NUP62CL: variants seen among roughly 807,000 people sequenced by gnomAD.
NUP62CL encodes the protein nucleoporin-62 C-terminal-like protein.
A neutral mutation model predicts 15.3 loss-of-function variants in NUP62CL; 13 were observed. That is an observed-to-expected ratio of 0.85 (90% CI 0.55 to 1.35). The LOEUF (loss-of-function observed/expected upper bound fraction) is 1.35, where lower values mean the gene tolerates loss of function less well. Ranked by LOEUF, NUP62CL falls within the 40% of genes most tolerant of loss-of-function variation. The pLI is 0.00. For missense variants in NUP62CL, 123 were observed against 130.6 expected, an observed-to-expected ratio of 0.94 and a Z score of 0.28; for synonymous variants, 54 against 49.2, an observed-to-expected ratio of 1.10 and a Z score of -0.41.
intron 7 of NUP62CL, among the ~76,000 whole-genome samples, chrX:107,151,904 C>G (rs1394941928): frequency 9.7e-6 from 1 of 103,552 alleles, no homozygotes; most frequent in Non-Finnish European, 2.0e-5. Context: ...GTGGCGCATG[C>G]CTGTAATCCC....
chrX:107,180,893 TA>T (rs1052947009), intron 2 of NUP62CL, among the ~76,000 whole-genome samples: 2 of 108,919 alleles, frequency 1.8e-5, no homozygotes, highest in Non-Finnish European at 3.8e-5. Context: ...ACCTATGCTT[TA>T]AAAAAATTTA....
intron 8 of NUP62CL, among the ~76,000 whole-genome samples, chrX:107,133,361 G>A (rs1353040979): frequency 6.4e-5 from 7 of 109,971 alleles, no homozygotes; most frequent in Non-Finnish European, 1.3e-4. Flanking sequence ...TTGGGACAGG[G>A]TCTCGCTCTG....
chrX:107,204,616 A>G (rs919170743), intron 1 of NUP62CL, among the ~76,000 whole-genome samples: 1 of 110,016 alleles, frequency 9.1e-6, no homozygotes, highest in Non-Finnish European at 1.9e-5. Flanking sequence ...GCTATATTGT[A>G]TATCTTCCTG....
At chrX:107,196,697 G>A (rs1927368018) in intron 1 of NUP62CL, among the ~76,000 whole-genome samples, 1 of 111,782 alleles carries the variant, frequency 8.9e-6, no homozygotes, top group Admixed American at 9.5e-5. Context: ...TGATCCACCC[G>A]CCTTAGCCTC....
At chrX:107,173,373 G>A (rs1285570) in intron 3 of NUP62CL, among the ~76,000 whole-genome samples, 40,997 of 111,047 alleles carry the variant, frequency 0.37, 8,130 homozygotes, top group African/African-American at 0.77. Context: ...TACACAATTC[G>A]ATAAACTTAC....
intron 2 of NUP62CL, among the ~76,000 whole-genome samples, chrX:107,189,905 GAAA>G (rs1927187940): frequency 3.0e-5 from 3 of 100,567 alleles, no homozygotes; most frequent in African/African-American, 1.1e-4. Flanking sequence ...AAGAAAGAAA[GAAA>G]GAAAGAAAGA....
intron 5 of NUP62CL, among the ~76,000 whole-genome samples, 188 bp from the exon 6 acceptor site, chrX:107,153,691 G>A (rs370403439): frequency 1.8e-5 from 2 of 112,403 alleles, no homozygotes; most frequent in African/African-American, 6.5e-5. Context: ...CACAGGGCTG[G>A]GTATGGTGGC....
intron 4 of NUP62CL, among the ~76,000 whole-genome samples, chrX:107,154,622 T>A (rs1208369176): frequency 9.0e-6 from 1 of 111,406 alleles, no homozygotes; most frequent in Non-Finnish European, 1.9e-5. Context: ...CAGCTCTTAG[T>A]CAAAGTGACC....
chrX:107,164,090 T>C (rs1391607636), intron 4 of NUP62CL, among the ~76,000 whole-genome samples: 3 of 111,850 alleles, frequency 2.7e-5, no homozygotes, highest in Non-Finnish European at 5.6e-5. Context: ...CAAGACAGAC[T>C]GTATCCTCAC....
chrX:107,169,277 G>A (rs1926590356), intron 3 of NUP62CL, among the ~76,000 whole-genome samples: 1 of 111,275 alleles, frequency 9.0e-6, no homozygotes, highest in South Asian at 3.8e-4. Context: ...CAGCAGGAAG[G>A]CAGAGAAAGA....
chrX:107,131,669 G>A (rs1399166452), intron 8 of NUP62CL: 3 of 629,706 alleles, frequency 4.8e-6, no homozygotes, highest in African/African-American at 4.3e-5. Flanking sequence ...TCTGGAGGAT[G>A]GAGAAGAGGA....
intron 1 of NUP62CL, among the ~76,000 whole-genome samples, chrX:107,194,781 A>T (rs1927320999): frequency 9.4e-6 from 1 of 105,896 alleles, no homozygotes; most frequent in Non-Finnish European, 1.9e-5. Flanking sequence ...TCAAAAATTC[A>T]CATTGAGTCC....
intron 1 of NUP62CL, among the ~76,000 whole-genome samples, chrX:107,205,162 A>C (rs1387507535): frequency 9.0e-6 from 1 of 111,481 alleles, no homozygotes; most frequent in Non-Finnish European, 1.9e-5. Context: ...TATAAAATTT[A>C]TTTCTTACTG....
chrX:107,166,834 A>G (rs759748379), intron 4 of NUP62CL, among the ~76,000 whole-genome samples: 2 of 111,858 alleles, frequency 1.8e-5, no homozygotes, highest in Non-Finnish European at 3.8e-5. Flanking sequence ...GGTCACATAT[A>G]TATGACTCTA....
intron 4 of NUP62CL, among the ~76,000 whole-genome samples, chrX:107,165,155 T>C (rs1602652054): frequency 9.1e-6 from 1 of 109,341 alleles, no homozygotes; most frequent in African/African-American, 3.3e-5. Context: ...AAAGATTAGC[T>C]GGACGTGGTG....
intron 8 of NUP62CL, among the ~76,000 whole-genome samples, chrX:107,139,558 A>C (rs1023191421): frequency 6.2e-5 from 7 of 112,191 alleles, no homozygotes; most frequent in Admixed American, 9.4e-5. Flanking sequence ...CAGCTCAGTA[A>C]CCATATAATA....
intron 4 of NUP62CL, among the ~76,000 whole-genome samples, chrX:107,165,159 C>T (rs1334452645): frequency 9.1e-6 from 1 of 109,628 alleles, no homozygotes; most frequent in Admixed American, 9.7e-5. Context: ...ATTAGCTGGA[C>T]GTGGTGGCGG....
At chrX:107,147,600 A>C in intron 8 of NUP62CL, 143 bp downstream of exon 8, 1 of 373,072 alleles carries the variant, frequency 2.7e-6, no homozygotes, top group Non-Finnish European at 4.9e-6. Context: ...ACAGTTTTTC[A>C]GAACTATAAT....
rs1177814742 is a variant in NUP62CL, at chrX:107,152,076, T to A, written c.530+1096A>T. On this transcript the variant is annotated intron_variant, in intron 7 of 8. Transcript: ENST00000372466. Reference sequence around the variant, plus strand: ...TATATATATATATATATATATATATTCAGATATATATATATATATTCAGAT... The same window carrying A: ...TATATATATATATATATATATATATACAGATATATATATATATATTCAGAT... Among the ~76,000 whole-genome samples the A allele has an allele frequency of 7.1e-3, 292 of 41,336 alleles. 18 individuals carry two copies. Among genetic ancestry groups the A allele is most frequent in the East Asian group, 0.019 (16 of 859 alleles). 35.9% of individuals were successfully genotyped at this position (41,336 alleles called of 115,157 possible).
Sources: allele counts gnomAD v4.1 joint callset (sites outside exome capture counted in the v4.1 genomes callset), GRCh38; gene constraint gnomAD v4.1.1; transcripts MANE v1.5; gene names NCBI Gene and HGNC (gene_info 2026-07-23, HGNC 2026-07-21).